The following PHACTR4 variants were observed in gnomAD, a reference collection of about 807,000 sequenced individuals.
PHACTR4 encodes phosphatase and actin regulator 4, also known as protein phosphatase 1, regulatory subunit 124.
In PHACTR4, 51 loss-of-function variants were observed where a neutral mutation model predicts 72.7. That is an observed-to-expected ratio of 0.70 (90% CI 0.56 to 0.89). PHACTR4 has a LOEUF of 0.89. Among genes scored for constraint, PHACTR4 ranks in the 40% least tolerant of loss-of-function variants. The pLI, the probability that PHACTR4 is intolerant of heterozygous loss-of-function variation, is 0.00. For synonymous variants in PHACTR4, 255 were observed against 302.5 expected, an observed-to-expected ratio of 0.84 and a Z score of 1.63; for missense variants, 731 against 861.8, an observed-to-expected ratio of 0.85 and a Z score of 1.90.
intron 4 of PHACTR4, among the ~76,000 whole-genome samples, chr1:28,461,220 A>G (rs1404094884): frequency 1.3e-5 from 2 of 151,942 alleles, no homozygotes; most frequent in African/African-American, 4.8e-5. Flanking sequence ...CGGGCAGAAC[A>G]CTTAAGGTCA....
At chr1:28,448,528 G>A (rs1392652707) in intron 2 of PHACTR4, among the ~76,000 whole-genome samples, 17 of 150,474 alleles carry the variant, frequency 1.1e-4, no homozygotes, top group African/African-American at 2.9e-4. Flanking sequence ...CGAGGAGGGC[G>A]GATCATGAGG....
intron 2 of PHACTR4, among the ~76,000 whole-genome samples, chr1:28,446,996 ATTTC>A: frequency 1.5e-5 from 2 of 137,816 alleles, no homozygotes; most frequent in Middle Eastern, 3.5e-3. Flanking sequence ...AGTCTCAGGT[ATTTC>A]TTTTTATTTA....
intron 1 of PHACTR4, among the ~76,000 whole-genome samples, chr1:28,396,386 C>T (rs548239692): frequency 6.6e-6 from 1 of 151,746 alleles, no homozygotes; most frequent in East Asian, 2.0e-4. Flanking sequence ...CAAAAATTAG[C>T]TGGGCGTGGT....
intron 12 of PHACTR4, among the ~76,000 whole-genome samples, chr1:28,492,610 A>G (rs1309268869): frequency 9.2e-5 from 14 of 151,864 alleles, no homozygotes. Context: ...AAAAATACAA[A>G]ATAGCCGGAC....
chr1:28,475,729 C>CTTTTTT (rs71672836), intron 7 of PHACTR4, among the ~76,000 whole-genome samples: 1 of 135,290 alleles, frequency 7.4e-6, no homozygotes, highest in Non-Finnish European at 1.6e-5. Flanking sequence ...AGTCCTTTGT[C>CTTTTTT]TTTTTTTTTT....
intron 9 of PHACTR4, among the ~76,000 whole-genome samples, chr1:28,482,953 AG>A (rs529130440): frequency 0.011 from 1,659 of 149,288 alleles, 28 homozygotes; most frequent in African/African-American, 0.036. Flanking sequence ...AAAAAAAAAA[AG>A]AGACACCTGG....
intron 13 of PHACTR4, 81 bp downstream of exon 13, chr1:28,493,172 C>A: frequency 8.5e-7 from 1 of 1,174,562 alleles, no homozygotes; most frequent in Non-Finnish European, 1.3e-6. Context: ...GCTCTAATGA[C>A]ATCAGTAAAA....
intron 2 of PHACTR4, among the ~76,000 whole-genome samples, chr1:28,441,933 A>G (rs966064184): frequency 2.0e-5 from 3 of 152,166 alleles, no homozygotes; most frequent in Non-Finnish European, 4.4e-5. Context: ...TTGAGGCTGC[A>G]GTGACTCATG....
intron 2 of PHACTR4, among the ~76,000 whole-genome samples, chr1:28,421,691 C>G (rs1025552075): frequency 2.0e-5 from 3 of 152,120 alleles, no homozygotes; most frequent in Non-Finnish European, 4.4e-5. Context: ...TTCCTCACTT[C>G]AGTTTAGAGC....
At chr1:28,431,196 A>AATAT (rs369455985) in intron 2 of PHACTR4, among the ~76,000 whole-genome samples, 3,945 of 128,212 alleles carry the variant, frequency 0.031, 109 homozygotes, top group African/African-American at 0.049. Flanking sequence ...AAAAAACCAA[A>AATAT]ATATATATAT....
chr1:28,379,900 A>G (rs1652016600), intron 1 of PHACTR4, among the ~76,000 whole-genome samples: 1 of 151,450 alleles, frequency 6.6e-6, no homozygotes, highest in African/African-American at 2.4e-5. Context: ...ATAATTTCTT[A>G]TATTCCATAA....
intron 1 of PHACTR4, among the ~76,000 whole-genome samples, chr1:28,394,913 CTTTTTTTT>C (rs1052095461): frequency 3.1e-5 from 4 of 127,092 alleles, no homozygotes; most frequent in South Asian, 2.5e-4. Context: ...TCCTTTTTTT[CTTTTTTTT>C]TTTTTTTCTG....
intron 2 of PHACTR4, among the ~76,000 whole-genome samples, chr1:28,441,450 CAA>C (rs1001782126): frequency 2.0e-5 from 3 of 152,040 alleles, no homozygotes; most frequent in African/African-American, 7.2e-5. Flanking sequence ...CGCTATTAAC[CAA>C]AGAGTCTGCT....
At chr1:28,494,928 G>A (rs1255124445) in intron 13 of PHACTR4, among the ~76,000 whole-genome samples, 1 of 152,154 alleles carries the variant, frequency 6.6e-6, no homozygotes, top group African/African-American at 2.4e-5. Context: ...GAGACTAGCA[G>A]CAAGGAAAAC....
chr1:28,490,881 T>C (rs1660996197), intron 10 of PHACTR4, 70 bp from the exon 11 acceptor site: 5 of 1,403,598 alleles, frequency 3.6e-6, no homozygotes, highest in Non-Finnish European at 5.0e-6. Flanking sequence ...TGTAATGTAA[T>C]TACTAAAACG....
intron 4 of PHACTR4, among the ~76,000 whole-genome samples, chr1:28,461,175 C>T (rs1047738882): frequency 1.7e-4 from 26 of 152,062 alleles, no homozygotes; most frequent in African/African-American, 3.1e-4. Context: ...CATGGTGGCT[C>T]ACGCCTGTAA....
chr1:28,495,613 ATTTT>A (rs1328657600), intron 13 of PHACTR4, among the ~76,000 whole-genome samples: 1 of 146,468 alleles, frequency 6.8e-6, no homozygotes, highest in Non-Finnish European at 1.5e-5. Flanking sequence ...TTATTTATTT[ATTTT>A]TTTTTTTTTT....
At chr1:28,467,797 G>A (rs1349385018) in intron 6 of PHACTR4, among the ~76,000 whole-genome samples, 2 of 152,090 alleles carry the variant, frequency 1.3e-5, no homozygotes, top group Non-Finnish European at 2.9e-5. Flanking sequence ...AGTAAAATTT[G>A]TATGGGTTTA....
intron 2 of PHACTR4, among the ~76,000 whole-genome samples, chr1:28,446,910 A>G (rs1053472754): frequency 6.6e-6 from 1 of 152,182 alleles, no homozygotes; most frequent in Non-Finnish European, 1.5e-5. Flanking sequence ...GAAGCCAGGC[A>G]GATACTAGCA....
Sources: gnomAD v4.1 joint callset for allele counts (sites outside exome capture counted in the v4.1 genomes callset) on GRCh38, gnomAD v4.1.1 for gene constraint, MANE v1.5 for transcripts, NCBI Gene and HGNC (gene_info 2026-07-23, HGNC 2026-07-21) for gene names.